Variants in DOC2B observed in about 807,000 individuals in gnomAD.
DOC2B encodes the protein double C2-like domain-containing protein beta.
A neutral mutation model predicts 28.9 loss-of-function variants in DOC2B; 21 were observed. The observed-to-expected ratio is 0.73, with a 90% CI of 0.52 to 1.05. DOC2B has a LOEUF of 1.05. DOC2B is among the 50% of genes least tolerant of loss of function. DOC2B has a pLI of 0.00. For synonymous variants in DOC2B, 194 were observed against 178.1 expected, an observed-to-expected ratio of 1.09 and a Z score of -0.71; for missense variants, 384 against 421.1, an observed-to-expected ratio of 0.91 and a Z score of 0.77.
At chr17:159,877 G>GCA (rs908329258) in intron 5 of DOC2B, among the ~76,000 whole-genome samples, 23 of 150,498 alleles carry the variant, frequency 1.5e-4, no homozygotes, top group East Asian at 5.8e-4. Flanking sequence ...TCACACACGA[G>GCA]CACACACACA....
At chr17:164,004 T>C (rs1330702029) in intron 3 of DOC2B, 126 bp downstream of exon 3, 7 of 681,794 alleles carry the variant, frequency 1.0e-5, no homozygotes, top group Non-Finnish European at 1.8e-5. Flanking sequence ...CTGAGGGGAG[T>C]GGCAGCTGTG....
At chr17:163,593 A>G (rs149408044) in intron 3 of DOC2B, 2 of 152,880 alleles carry the variant, frequency 1.3e-5, no homozygotes, top group African/African-American at 2.4e-5. Context: ...TCCGAGATGC[A>G]CCTGTTGTGC....
At chr17:161,391 C>A (rs747046095) in intron 5 of DOC2B, 24 bp downstream of exon 5, 3 of 1,551,328 alleles carry the variant, frequency 1.9e-6, no homozygotes, top group South Asian at 1.2e-5. Context: ...AGGTACACAG[C>A]AGGTGCTCAA....
chr17:174,666 G>T (rs1024921874), intron 1 of DOC2B, among the ~76,000 whole-genome samples: 2 of 152,150 alleles, frequency 1.3e-5, no homozygotes, highest in African/African-American at 4.8e-5. Flanking sequence ...CCTCTTTTCG[G>T]TTTTCTTCAT....
Position 161,490 on chromosome 17 carries a change from C to T in DOC2B, c.690G>A (p.Glu230=), listed in dbSNP as rs1044727960. 13 of 1,551,632 alleles carry T rather than the reference C, an allele frequency of 8.4e-6. No homozygotes were observed. In the African/African-American group the frequency reaches 1.4e-4, roughly 16 times the overall value. Residue 230 remains glutamate (E), a synonymous_variant, in exon 5 of 9, where the codon GAG becomes GAA. Coordinates refer to ENST00000613549, the MANE Select transcript of DOC2B (RefSeq NM_003585.5). The stretch of plus-strand genomic sequence containing the variant: ...TCAGCTTCTTCAGGGGCACACGTGT[C>T]TCCCCGATGAACTCATTGTGCCGGA... ...DKFRHNEFIG[E]TRVPLKKLKP... is the part of the protein sequence containing the mutation.
chr17:155,918 C>T, intron 6 of DOC2B: 1 of 387,754 alleles, frequency 2.6e-6, no homozygotes, highest in Non-Finnish European at 4.6e-6. Context: ...CCTCCTGCAA[C>T]TCATGGCCCC....
rs1390878452 is a variant in DOC2B at position 145,958 on chromosome 17, C to G, written c.*1483G>C. ...CACTGGGACTCTGGCTGTGCAACTC[C>G]TTGGCTCTGCATTTGTTCACCCAGC... On this transcript the variant is annotated 3_prime_UTR_variant, in exon 9 of 9. Transcript: ENST00000613549. 2 of 152,402 alleles carry G rather than the reference C, an allele frequency of 1.3e-5. No individual in the cohort carries two copies. Among genetic ancestry groups the G allele is most frequent in the Admixed American group, 1.3e-4 (2 of 15,288 alleles). 9.4% of individuals were successfully genotyped at this position (152,402 alleles called of 1,614,324 possible). A position where few individuals can be genotyped will look rare whatever the true frequency, so the allele number is the denominator to read the frequency against.
rs185083614 is a variant in DOC2B at position 150,772 on chromosome 17, G to A, written c.924-1580C>T. Among the ~76,000 whole-genome samples the A allele has an allele frequency of 4.0e-4, 61 of 152,264 alleles. No homozygotes were observed. In the East Asian group the frequency reaches 0.011, roughly 28 times the overall value. On this transcript the variant is annotated intron_variant, in intron 6 of 8. Transcript: ENST00000613549. ...CACCAAAAATTGCAAACAACCACACGCCCTTCAACTGGGGAACTCATCAAC... is the reference window on the plus strand; with the variant it reads ...CACCAAAAATTGCAAACAACCACACACCCTTCAACTGGGGAACTCATCAAC...
At chr17:172,409 C>T in intron 2 of DOC2B, 128 bp downstream of exon 2, 4 of 689,276 alleles carry the variant, frequency 5.8e-6, no homozygotes, top group Non-Finnish European at 9.4e-6. Context: ...TGGCCCCGCA[C>T]CCCACACAGC....
At chr17:159,139 G>A (rs1323145172) in intron 5 of DOC2B, among the ~76,000 whole-genome samples, 2 of 151,722 alleles carry the variant, frequency 1.3e-5, no homozygotes, top group African/African-American at 4.8e-5. Context: ...GAAGACCACT[G>A]GGTCTTGCTC....
At chr17:161,767 G>C (rs1262798576) in intron 4 of DOC2B, among the ~76,000 whole-genome samples, 3 of 152,230 alleles carry the variant, frequency 2.0e-5, no homozygotes, top group African/African-American at 7.2e-5. Flanking sequence ...GGGGACAGGA[G>C]AAGGCAGAAC....
Position 181,419 on chromosome 17 carries a change from C to G in DOC2B, c.61G>C (p.Asp21His). ...GGACGGATGGGGCCGGGGCACACGTCGATGGCCATATGCTCCTGGATGCTG... is the reference window on the plus strand; with the variant it reads ...GGACGGATGGGGCCGGGGCACACGTGGATGGCCATATGCTCCTGGATGCTG... ...TISIQEHMAI[D>H]VCPGPIRPIK... is the part of the protein sequence containing the mutation. Residue 21 changes from aspartate (D) to histidine (H), a missense_variant, in exon 1 of 9, where the codon GAC becomes CAC. Physicochemically the swap from Asp to His is moderately conservative, Grantham distance 81. Transcript: ENST00000613549. The surrounding 1 kb of genome is among the most constrained non-coding windows in gnomAD (Gnocchi z 7.0). 8.4e-7 allele frequency: 1 copy of G among 1,187,338 alleles called. No homozygotes were observed. Among genetic ancestry groups the G allele is most frequent in the Non-Finnish European group, 1.1e-6 (1 of 945,488 alleles). 73.6% of individuals were successfully genotyped at this position (1,187,338 alleles called of 1,614,324 possible).
At position 146,043 on chromosome 17, in the gene DOC2B, G is replaced by A. The variant is rs1429677394; in HGVS notation, c.*1398C>T. 1 of 152,304 alleles carries A rather than the reference G, an allele frequency of 6.6e-6. No individual in the cohort carries two copies. Among genetic ancestry groups the A allele is most frequent in the African/African-American group, 2.4e-5 (1 of 41,474 alleles). 9.4% of individuals were successfully genotyped at this position (152,304 alleles called of 1,614,324 possible). A position where few individuals can be genotyped will look rare whatever the true frequency, so the allele number is the denominator to read the frequency against. On this transcript the variant is annotated 3_prime_UTR_variant, in exon 9 of 9. Transcript: ENST00000613549. Reference sequence around the variant, plus strand: ...TGTGGGCTTCAGGCATGGGCCCCAAGATTCAGATACTCTCAAGCCTCCTGG... The same window carrying A: ...TGTGGGCTTCAGGCATGGGCCCCAAAATTCAGATACTCTCAAGCCTCCTGG...
intron 6 of DOC2B, 140 bp downstream of exon 6, chr17:156,080 G>A: frequency 1.1e-6 from 1 of 941,042 alleles, no homozygotes; most frequent in Non-Finnish European, 1.5e-6. Context: ...AGTTGCCAAG[G>A]TAGCCCATCA....
chr17:157,405 C>G (rs964065268), intron 5 of DOC2B, among the ~76,000 whole-genome samples: 17 of 152,186 alleles, frequency 1.1e-4, no homozygotes, highest in Admixed American at 9.2e-4. Context: ...CCTGGTGTGG[C>G]CCCCTGCTTC....
Position 156,282 on chromosome 17 carries a change from G to C in DOC2B, c.861C>G (p.Ile287Met). 1 of 1,551,748 alleles carries C rather than the reference G, an allele frequency of 6.4e-7. No homozygotes were observed. The highest frequency in any genetic ancestry group is 8.7e-7 in the Non-Finnish European group (1 of 1,147,076). Residue 287 changes from isoleucine (I) to methionine (M), a missense_variant, in exon 6 of 9, where the codon ATC (isoleucine) becomes ATG (methionine). Physicochemically the swap from Ile to Met is conservative, Grantham distance 10. Transcript: ENST00000613549. ...SSQKQGLLVG[I>M]VRCAHLAAMD... is the part of the protein sequence containing the mutation. ...TGGCGGCCAGGTGGGCGCACCGCAC[G>C]ATGCCTACCAGCAGGCCTTGCTTCT...
At position 178,384 on chromosome 17, in the gene DOC2B, G is replaced by T. The variant is rs909253506; in HGVS notation, c.373+2723C>A. ...CTCATTGTTTAAGCCACTCTGAGTT[G>T]GTTATCTGTCACTTGCAACCCATGG... On this transcript the variant is annotated intron_variant, in intron 1 of 8. Transcript: ENST00000613549. Among the ~76,000 whole-genome samples the T allele has an allele frequency of 3.9e-5, 6 of 152,376 alleles. 1 individual carries two copies. In the Middle Eastern group the frequency reaches 0.017, roughly 432 times the overall value.
intron 3 of DOC2B, among the ~76,000 whole-genome samples, chr17:162,465 G>A (rs2040216524): frequency 6.6e-6 from 1 of 152,206 alleles, no homozygotes; most frequent in South Asian, 2.1e-4. Flanking sequence ...CAAGGAAGGG[G>A]GCCAGAGAGA....
At chr17:178,872 G>A (rs2040399556) in intron 1 of DOC2B, among the ~76,000 whole-genome samples, 1 of 152,210 alleles carries the variant, frequency 6.6e-6, no homozygotes, top group Non-Finnish European at 1.5e-5. Flanking sequence ...TTGAATCATT[G>A]AGGCTTATTC....
Sources: allele counts gnomAD v4.1 joint callset (sites outside exome capture counted in the v4.1 genomes callset), GRCh38; gene constraint gnomAD v4.1.1; non-coding constraint Gnocchi (gnomAD v3.1); transcripts MANE v1.5; gene names NCBI Gene and HGNC (gene_info 2026-07-23, HGNC 2026-07-21).